Variants in DOHH observed in about 807,000 individuals in gnomAD.
The protein encoded by DOHH is HEAT-like (PBS lyase) repeat containing 1.
DOHH carries 16 observed loss-of-function variants against 19.9 expected under a neutral mutation model. The ratio of observed to expected loss-of-function variants is 0.80; its 90% CI spans 0.54 to 1.22. The LOEUF (loss-of-function observed/expected upper bound fraction) is 1.22, where lower values mean the gene tolerates loss of function less well. Among genes scored for constraint, DOHH ranks in the 50% most tolerant of loss-of-function variants. The probability of loss-of-function intolerance (pLI) is 0.00; values close to 1 mark genes in which losing one functional copy is unlikely to be tolerated. For synonymous variants in DOHH, 233 were observed against 217.0 expected, an observed-to-expected ratio of 1.07 and a Z score of -0.65; for missense variants, 460 against 460.6, an observed-to-expected ratio of 1.00 and a Z score of 0.01.
intron 1 of DOHH, among the ~76,000 whole-genome samples, chr19:3,497,538 A>G (rs1599762050): frequency 1.3e-5 from 2 of 152,352 alleles, no homozygotes; most frequent in South Asian, 4.1e-4. Context: ...AGGCCTTACC[A>G]GAGGCCAGAC....
Position 3,494,120 on chromosome 19 carries a change from C to T in DOHH, c.275-16G>A, listed in dbSNP as rs997156017. 3.1e-6 allele frequency: 5 copies of T among 1,610,762 alleles called. No individual in the cohort carries two copies. In the African/African-American group the frequency reaches 5.3e-5, roughly 17 times the overall value. ...AGGGCCTCCCCTGGGAAGAAGCAGC[C>T]GGAGAGCTCATGTTGGTGGGGTGGA... On this transcript the variant is annotated splice_polypyrimidine_tract_variant and intron_variant, in intron 2 of 4. Transcript: ENST00000427575.
At position 3,496,520 on chromosome 19, in the gene DOHH, G is replaced by A. The variant is rs377209151; in HGVS notation, c.274+21C>T. Reference sequence around the variant, plus strand: ...GTGAGGCAGGAGGGAGCAGGTGCCCGGGACACAGACAGGTGCTCACCTGCC... The same window carrying A: ...GTGAGGCAGGAGGGAGCAGGTGCCCAGGACACAGACAGGTGCTCACCTGCC... On this transcript the variant is annotated intron_variant, in intron 2 of 4. Coordinates refer to ENST00000427575, the MANE Select transcript of DOHH (RefSeq NM_001145165.2). The surrounding 1 kb of genome is among the most constrained non-coding windows in gnomAD (Gnocchi z 4.8). 24 of 1,596,720 alleles carry A rather than the reference G, an allele frequency of 1.5e-5. No individual in the cohort carries two copies. Among genetic ancestry groups the A allele is most frequent in the African/African-American group, 9.4e-5 (7 of 74,682 alleles).
Position 3,496,488 on chromosome 19 carries a change from T to G in DOHH, c.274+53A>C. On this transcript the variant is annotated intron_variant, in intron 2 of 4. Coordinates refer to ENST00000427575, the MANE Select transcript of DOHH (RefSeq NM_001145165.2). The surrounding 1 kb of genome is among the most constrained non-coding windows in gnomAD (Gnocchi z 4.8). ...GTGAGGAAGGGGACACGTGGGGTCA[T>G]GAAGAAGTGAGGCAGGAGGGAGCAG... The G allele has an allele frequency of 2.5e-6, 4 of 1,576,596 alleles. No individual in the cohort carries two copies. Among genetic ancestry groups the G allele is most frequent in the South Asian group, 1.1e-5 (1 of 88,090 alleles).
chr19:3,500,311 G>A (rs142066590), intron 1 of DOHH, among the ~76,000 whole-genome samples: 6 of 152,322 alleles, frequency 3.9e-5, no homozygotes, highest in Non-Finnish European at 7.4e-5. Flanking sequence ...GCAGGCCTGT[G>A]CGAGCTGGCA....
intron 2 of DOHH, among the ~76,000 whole-genome samples, chr19:3,494,598 G>C (rs1163882718): frequency 6.6e-6 from 1 of 152,388 alleles, no homozygotes; most frequent in Non-Finnish European, 1.5e-5. Flanking sequence ...ACTTAGGTGG[G>C]TTCGGGTACA....
Position 3,494,038 on chromosome 19 carries a change from G to A in DOHH, c.341C>T (p.Pro114Leu). The change falls in exon 3 of 5, where the codon CCC (proline) becomes CTC (leucine). Residue 114 changes from proline (P) to leucine (L), a missense_variant. Transcript: ENST00000427575. Reference sequence around the variant, plus strand: ...CAGGGGCCTGGTTACCTCGATGACGGGGTCCGAGGAATACTGCTTCAGGAT... The same window carrying A: ...CAGGGGCCTGGTTACCTCGATGACGAGGTCCGAGGAATACTGCTTCAGGAT... ...LEILKQYSSDPVIEVAETCQL... is the reference protein window; with the variant it reads ...LEILKQYSSDLVIEVAETCQL... 1 of 1,613,392 alleles carries A rather than the reference G, an allele frequency of 6.2e-7. No individual in the cohort carries two copies. The highest frequency in any genetic ancestry group is 8.5e-7 in the Non-Finnish European group (1 of 1,179,560).
At position 3,491,633 on chromosome 19, in the gene DOHH, G is replaced by A. The variant is rs1179324896; in HGVS notation, c.768C>T (p.Ala256=). 7.2e-6 allele frequency: 11 copies of A among 1,534,918 alleles called. No homozygotes were observed. The highest frequency in any genetic ancestry group is 1.4e-5 in the African/African-American group (1 of 72,864). The change falls in exon 5 of 5, where the codon GCC becomes GCT. Residue 256 remains alanine, a synonymous_variant. Transcript: ENST00000427575. The surrounding 1 kb of genome is among the most constrained non-coding windows in gnomAD (Gnocchi z 5.6). ...GGTCGTCCGCGTGAGCCTGCAGCGC[G>A]GCCAGGCAGGCGGGCCGGGCAATGG... The part of the protein sequence containing the change: ...LGAIARPACL[A]ALQAHADDPE...
At chr19:3,493,401 A>G (rs2082885214) in intron 3 of DOHH, among the ~76,000 whole-genome samples, 1 of 152,194 alleles carries the variant, frequency 6.6e-6, no homozygotes, top group Non-Finnish European at 1.5e-5. Flanking sequence ...CGAGGTCAGG[A>G]GATCGAGACC....
In DOHH at chr19:3,491,956, G is replaced by A. The variant is rs1048457109; in HGVS notation, c.590-145C>T. ...CCATCCCGGCCTCCCAAAGTGCTGG[G>A]ACGACAGGCGTGAGCCACCACGCCC... On this transcript the variant is annotated intron_variant, in intron 4 of 4. Transcript: ENST00000427575. The surrounding 1 kb of genome is among the most constrained non-coding windows in gnomAD (Gnocchi z 5.6). 3.0e-6 allele frequency: 3 copies of A among 987,450 alleles called. No individual in the cohort carries two copies. The highest frequency in any genetic ancestry group is 3.7e-5 in the South Asian group (2 of 53,594). 61.2% of individuals were successfully genotyped at this position (987,450 alleles called of 1,614,324 possible).
chr19:3,499,822 C>T (rs2082936352), intron 1 of DOHH, among the ~76,000 whole-genome samples: 2 of 152,152 alleles, frequency 1.3e-5, no homozygotes, highest in Admixed American at 1.3e-4. Flanking sequence ...GCAGCTGACA[C>T]TTATGTAGCA....
intron 2 of DOHH, among the ~76,000 whole-genome samples, chr19:3,495,176 C>T (rs2082899552): frequency 2.0e-5 from 3 of 151,934 alleles, no homozygotes. Context: ...GGGGTTTCAC[C>T]ATGTTGGCCA....
chr19:3,498,359 G>A (rs555354672), intron 1 of DOHH, among the ~76,000 whole-genome samples: 1 of 152,140 alleles, frequency 6.6e-6, no homozygotes, highest in Admixed American at 6.5e-5. Context: ...CCCATGAAGA[G>A]TTTTGCCCAG....
intron 3 of DOHH, among the ~76,000 whole-genome samples, chr19:3,493,701 T>C (rs1454024651): frequency 6.6e-6 from 1 of 151,304 alleles, no homozygotes; most frequent in Non-Finnish European, 1.5e-5. Context: ...TAGAGGGCAC[T>C]GGGTGGGTTC....
chr19:3,498,567 G>A (rs111684089), intron 1 of DOHH, among the ~76,000 whole-genome samples: 12 of 152,000 alleles, frequency 7.9e-5, no homozygotes, highest in South Asian at 4.2e-4. Flanking sequence ...CACCATGCCC[G>A]GCTAATTTTG....
chr19:3,493,940 G>C, intron 3 of DOHH, 88 bp downstream of exon 3: 1 of 1,302,784 alleles, frequency 7.7e-7, no homozygotes, highest in Admixed American at 2.2e-5. Flanking sequence ...GAGGGTCTGA[G>C]GCTGCTCCAG....
At chr19:3,495,527 G>C (rs538780611) in intron 2 of DOHH, among the ~76,000 whole-genome samples, 1 of 152,260 alleles carries the variant, frequency 6.6e-6, no homozygotes, top group Non-Finnish European at 1.5e-5. Context: ...TGTCCAATGA[G>C]TGGAGTAAAT....
At chr19:3,498,768 G>A (rs2082928402) in intron 1 of DOHH, among the ~76,000 whole-genome samples, 1 of 152,124 alleles carries the variant, frequency 6.6e-6, no homozygotes, top group African/African-American at 2.4e-5. Flanking sequence ...GGTGTCTGAA[G>A]AACTCCCCAA....
chr19:3,497,159 C>T (rs545845410), intron 1 of DOHH, among the ~76,000 whole-genome samples: 7 of 152,284 alleles, frequency 4.6e-5, no homozygotes, highest in African/African-American at 1.7e-4. Context: ...ACAGCTGACC[C>T]CCAAAATGGC....
Position 3,492,913 on chromosome 19 carries a change from G to C in DOHH, c.352-414C>G, listed in dbSNP as rs568054278. Among the ~76,000 whole-genome samples the C allele has an allele frequency of 4.6e-5, 7 of 152,324 alleles. No individual in the cohort carries two copies. The South Asian group carries it at 1.4e-3, about 32-fold the overall frequency. ...TGTCCTAAAGGTGATGAGATATCGTGAGAGCTTTAAGCATGGAACAGAACA... is the reference window on the plus strand; with the variant it reads ...TGTCCTAAAGGTGATGAGATATCGTCAGAGCTTTAAGCATGGAACAGAACA... On this transcript the variant is annotated intron_variant, in intron 3 of 4. Coordinates refer to ENST00000427575, the MANE Select transcript of DOHH (RefSeq NM_001145165.2).
Sources: allele counts gnomAD v4.1 joint callset (sites outside exome capture counted in the v4.1 genomes callset), GRCh38; gene constraint gnomAD v4.1.1; non-coding constraint Gnocchi (gnomAD v3.1); transcripts MANE v1.5; gene names NCBI Gene and HGNC (gene_info 2026-07-23, HGNC 2026-07-21).